The following SIK3 variants were observed in gnomAD, a reference collection of about 807,000 sequenced individuals.
SIK3 encodes SIK family kinase 3.
In SIK3, 28 loss-of-function variants were observed where a neutral mutation model predicts 144.2. The observed-to-expected ratio is 0.19, with a 90% CI of 0.14 to 0.27. The LOEUF (loss-of-function observed/expected upper bound fraction) is 0.27, where lower values mean the gene tolerates loss of function less well. SIK3 is among the 10% of genes least tolerant of loss of function. The probability of loss-of-function intolerance (pLI) is 1.00; values close to 1 mark genes in which losing one functional copy is unlikely to be tolerated. For synonymous variants in SIK3, 686 were observed against 676.3 expected (o/e 1.01, Z -0.22); for missense variants, 1,319 against 1,776.0 (o/e 0.74, Z 4.62).
chr11:117,081,843 G>A (rs1954803316), intron 1 of SIK3, among the ~76,000 whole-genome samples: 1 of 152,098 alleles, frequency 6.6e-6, no homozygotes, highest in South Asian at 2.1e-4. Flanking sequence ...CCAAGAAACT[G>A]AAAAGACAAC....
At chr11:117,079,916 C>T (rs1954711023) in intron 1 of SIK3, among the ~76,000 whole-genome samples, 1 of 152,106 alleles carries the variant, frequency 6.6e-6, no homozygotes, top group Non-Finnish European at 1.5e-5. Context: ...TGCCTGTAAT[C>T]CCAGCATTTT....
intron 1 of SIK3, among the ~76,000 whole-genome samples, chr11:117,031,495 C>CATTTT (rs57767677): frequency 0.78 from 114,503 of 146,080 alleles, 45,778 homozygotes; most frequent in Non-Finnish European, 0.85. Flanking sequence ...ATGAATACAG[C>CATTTT]ATTTTATTTT....
chr11:116,950,149 A>C (rs1365351002), intron 3 of SIK3: 4 of 470,946 alleles, frequency 8.5e-6, no homozygotes, highest in Non-Finnish European at 1.8e-5. Flanking sequence ...AAGTTCCACA[A>C]GTGGGGGCTG....
chr11:116,942,549 G>C (rs1948371068), intron 3 of SIK3, among the ~76,000 whole-genome samples: 2 of 152,146 alleles, frequency 1.3e-5, no homozygotes. Flanking sequence ...ACAGAGCAAT[G>C]GGCCAGTAGG....
rs5795060 is a variant in SIK3 at position 117,066,073 on chromosome 11, C to CTTTT, written c.273+32066_273+32069dup. On this transcript the variant is annotated intron_variant, in intron 1 of 24. Coordinates refer to ENST00000445177, the MANE Select transcript of SIK3 (RefSeq NM_001366686.3). ...TACTTTATTTTTCTTTTCTTTTCTT[C>CTTTT]TTTTTTTTTTTTTTGAGATGGAGTT... Among the ~76,000 whole-genome samples, 36 of 140,620 alleles carry CTTTT rather than the reference C, an allele frequency of 2.6e-4. 1 individual carries two copies. Among genetic ancestry groups the CTTTT allele is most frequent in the Admixed American group, 7.9e-4 (11 of 13,838 alleles). 92.3% of individuals were successfully genotyped at this position (140,620 alleles called of 152,430 possible). A position where few individuals can be genotyped will look rare whatever the true frequency, so the allele number is the denominator to read the frequency against.
chr11:117,073,845 A>G (rs1954385606), intron 1 of SIK3, among the ~76,000 whole-genome samples: 2 of 152,220 alleles, frequency 1.3e-5, no homozygotes, highest in African/African-American at 2.4e-5. Context: ...CCTTACCATT[A>G]ACATGTTTGC....
rs374007031 is a variant in SIK3 at position 116,893,111 on chromosome 11, A to G, written c.865+3142T>C. 4.4e-4 allele frequency among the ~76,000 whole-genome samples: 67 copies of G among 152,356 alleles called. 1 individual carries two copies. In the South Asian group the frequency reaches 0.013, roughly 30 times the overall value. ...GATTTGGGGGCAGTGAAACAATTTTATATGTATTATAGTGGTGAATACATG... is the reference window on the plus strand; with the variant it reads ...GATTTGGGGGCAGTGAAACAATTTTGTATGTATTATAGTGGTGAATACATG... On this transcript the variant is annotated intron_variant, in intron 6 of 24. Transcript: ENST00000445177.
chr11:116,882,853 A>G (rs976793274), intron 6 of SIK3, among the ~76,000 whole-genome samples: 2 of 152,258 alleles, frequency 1.3e-5, no homozygotes, highest in Admixed American at 6.5e-5. Flanking sequence ...TGCTTCTGGC[A>G]CAATTCTCAC....
intron 1 of SIK3, among the ~76,000 whole-genome samples, chr11:116,989,932 G>T (rs1170255037): frequency 6.6e-6 from 1 of 151,608 alleles, no homozygotes; most frequent in African/African-American, 2.4e-5. Flanking sequence ...GAAATTTCAA[G>T]TCTAATAGAA....
At chr11:117,074,253 T>A (rs1035981524) in intron 1 of SIK3, among the ~76,000 whole-genome samples, 2 of 152,118 alleles carry the variant, frequency 1.3e-5, no homozygotes, top group Admixed American at 6.5e-5. Context: ...GCAAACAGGA[T>A]CCCAATTTCT....
At chr11:117,083,267 C>T (rs1265827536) in intron 1 of SIK3, among the ~76,000 whole-genome samples, 2 of 152,000 alleles carry the variant, frequency 1.3e-5, no homozygotes, top group African/African-American at 2.4e-5. Context: ...ACTGGCTACC[C>T]TTTTGCATGG....
chr11:117,080,915 T>C (rs1326198531), intron 1 of SIK3, among the ~76,000 whole-genome samples: 1 of 152,084 alleles, frequency 6.6e-6, no homozygotes, highest in Non-Finnish European at 1.5e-5. Context: ...GCCATTGCAC[T>C]CCAGCATGGG....
At chr11:117,071,196 A>T (rs11216262) in intron 1 of SIK3, among the ~76,000 whole-genome samples, 4 of 137,730 alleles carry the variant, frequency 2.9e-5, no homozygotes, top group African/African-American at 6.4e-5. Flanking sequence ...GCAAAAAAAA[A>T]AAAAATAACA....
At chr11:116,877,095 G>A in intron 6 of SIK3, 53 bp from the exon 7 acceptor site, 2 of 1,526,174 alleles carry the variant, frequency 1.3e-6, no homozygotes, top group Admixed American at 1.7e-5. Context: ...AGGCACCAGG[G>A]GAGTAGAGGA....
intron 1 of SIK3, among the ~76,000 whole-genome samples, chr11:116,981,135 T>C (rs1950126878): frequency 6.6e-6 from 1 of 152,222 alleles, no homozygotes; most frequent in African/African-American, 2.4e-5. Flanking sequence ...AAAATAACAA[T>C]AATTACTTAT....
At chr11:116,939,276 T>A (rs1948156357) in intron 3 of SIK3, among the ~76,000 whole-genome samples, 1 of 152,184 alleles carries the variant, frequency 6.6e-6, no homozygotes, top group Admixed American at 6.5e-5. Flanking sequence ...GCCTCCCAAG[T>A]AGCTGGGACT....
At chr11:117,036,840 GATTC>G (rs1952527506) in intron 1 of SIK3, among the ~76,000 whole-genome samples, 1 of 152,138 alleles carries the variant, frequency 6.6e-6, no homozygotes, top group Non-Finnish European at 1.5e-5. Context: ...TGAAACCTCT[GATTC>G]ATTAAGAAAT....
intron 4 of SIK3, chr11:116,904,863 C>A (rs1038169259): frequency 6.1e-6 from 1 of 165,140 alleles, no homozygotes; most frequent in Non-Finnish European, 1.5e-5. Context: ...CAGGCATGAG[C>A]CGCTGCACCT....
intron 1 of SIK3, among the ~76,000 whole-genome samples, chr11:117,073,745 T>A (rs1482405146): frequency 6.6e-6 from 1 of 152,220 alleles, no homozygotes; most frequent in Non-Finnish European, 1.5e-5. Context: ...TACTCCCAGT[T>A]GTAAGATGAC....
Sources: allele counts gnomAD v4.1 joint callset (sites outside exome capture counted in the v4.1 genomes callset), GRCh38; gene constraint gnomAD v4.1.1; transcripts MANE v1.5; gene names NCBI Gene and HGNC (gene_info 2026-07-23, HGNC 2026-07-21).